MALRD1: variants seen among roughly 807,000 people sequenced by gnomAD.
MALRD1 encodes the protein MAM and LDL-receptor class A domain-containing protein 1.
MALRD1 carries 247 observed loss-of-function variants against 242.1 expected under a neutral mutation model. That is an observed-to-expected ratio of 1.02 (90% CI 0.92 to 1.13). MALRD1 has a LOEUF of 1.13. MALRD1 is among the 50% of genes most tolerant of loss of function. The pLI, the probability that MALRD1 is intolerant of heterozygous loss-of-function variation, is 0.00. For synonymous variants in MALRD1, 995 were observed against 866.6 expected, an observed-to-expected ratio of 1.15 and a Z score of -2.60; for missense variants, 2,989 against 2,533.1, an observed-to-expected ratio of 1.18 and a Z score of -3.86.
At chr10:19,694,832 A>T (rs544328197) in intron 38 of MALRD1, among the ~76,000 whole-genome samples, 16 of 152,362 alleles carry the variant, frequency 1.1e-4, no homozygotes, top group Admixed American at 2.0e-4. Context: ...CAAATGTCCA[A>T]CAATGATAGA....
In MALRD1 at chr10:19,591,885, T is replaced by G. The variant is rs560314316; in HGVS notation, c.5681-3309T>G. On this transcript the variant is annotated intron_variant, in intron 33 of 39. Coordinates refer to ENST00000454679, the MANE Select transcript of MALRD1 (RefSeq NM_001142308.3). ...CATCTTCCAGGAGTATTAGTTTTAT[T>G]TGATTACTGAAAGGAAACCACTTAT... 5.9e-5 allele frequency among the ~76,000 whole-genome samples: 9 copies of G among 152,338 alleles called. No individual in the cohort carries two copies. The South Asian group carries it at 1.9e-3, about 32-fold the overall frequency.
At chr10:19,679,810 A>G (rs1842291875) in intron 36 of MALRD1, among the ~76,000 whole-genome samples, 1 of 152,014 alleles carries the variant, frequency 6.6e-6, no homozygotes, top group African/African-American at 2.4e-5. Context: ...TTTCCCTCTT[A>G]ACACTGCTTT....
At chr10:19,448,686 AC>A (rs1835140326) in intron 28 of MALRD1, among the ~76,000 whole-genome samples, 1 of 152,038 alleles carries the variant, frequency 6.6e-6, no homozygotes, top group Non-Finnish European at 1.5e-5. Context: ...CTAGTTAACC[AC>A]CCTCAGCTAT....
intron 29 of MALRD1, among the ~76,000 whole-genome samples, chr10:19,486,402 T>G (rs1390260984): frequency 6.6e-6 from 1 of 152,188 alleles, no homozygotes. Flanking sequence ...TGCTTAGGAC[T>G]TTTCTTAGAT....
intron 36 of MALRD1, among the ~76,000 whole-genome samples, chr10:19,681,230 G>A (rs1367469989): frequency 2.0e-5 from 3 of 152,210 alleles, no homozygotes; most frequent in East Asian, 3.9e-4. Flanking sequence ...AGTTCTCCTG[G>A]ATGATATCGT....
At chr10:19,117,975 A>C (rs978009098) in intron 5 of MALRD1, among the ~76,000 whole-genome samples, 6 of 152,230 alleles carry the variant, frequency 3.9e-5, no homozygotes, top group Non-Finnish European at 7.3e-5. Flanking sequence ...TGCGTTCACC[A>C]AGCTTACAAT....
chr10:19,515,149 C>A (rs1445665495), intron 31 of MALRD1, among the ~76,000 whole-genome samples: 1 of 151,928 alleles, frequency 6.6e-6, no homozygotes, highest in Admixed American at 6.6e-5. Context: ...GCTTTTCTTA[C>A]CAAAAGCATA....
At chr10:19,368,491 G>A (rs1246146112) in intron 26 of MALRD1, among the ~76,000 whole-genome samples, 6 of 151,922 alleles carry the variant, frequency 3.9e-5, no homozygotes, top group Non-Finnish European at 7.4e-5. Context: ...CTGTTTTTAT[G>A]CCAATACCAT....
At chr10:19,502,309 T>C (rs1361014989) in intron 31 of MALRD1, among the ~76,000 whole-genome samples, 1 of 152,064 alleles carries the variant, frequency 6.6e-6, no homozygotes, top group African/African-American at 2.4e-5. Flanking sequence ...CTCAGAGTAA[T>C]GTTAAAGCCA....
At chr10:19,369,077 G>A (rs1845245614) in intron 26 of MALRD1, among the ~76,000 whole-genome samples, 1 of 146,534 alleles carries the variant, frequency 6.8e-6, no homozygotes, top group African/African-American at 2.5e-5. Context: ...TTATTCCTCT[G>A]TGTATGTGTT....
In MALRD1 at chr10:19,730,781, G is replaced by A; in HGVS notation, c.6390G>A (p.Glu2130=). 1 of 1,536,418 alleles carries A rather than the reference G, an allele frequency of 6.5e-7. No individual in the cohort carries two copies. Among genetic ancestry groups the A allele is most frequent in the Admixed American group, 2.0e-5 (1 of 51,000 alleles). The part of the protein sequence containing the change: ...YGNWSNPEKT[E]SSVYSFSNPL... The stretch of plus-strand genomic sequence containing the variant: ...ACTGGAGCAACCCAGAGAAAACAGA[G>A]GTAAGTGGCAAGGGTGAACTATATC... The change falls in exon 39 of 40, where the codon GAG becomes GAA. Residue 2130 remains glutamate (E), a splice_region_variant and synonymous_variant. Transcript: ENST00000454679.
At chr10:19,468,390 G>T (rs1290726988) in intron 29 of MALRD1, among the ~76,000 whole-genome samples, 1 of 151,696 alleles carries the variant, frequency 6.6e-6, no homozygotes, top group South Asian at 2.1e-4. Flanking sequence ...ATTAATTTTA[G>T]AAAGAAAACA....
chr10:19,131,193 G>A (rs1564411819), intron 8 of MALRD1, among the ~76,000 whole-genome samples: 1 of 152,114 alleles, frequency 6.6e-6, no homozygotes, highest in Admixed American at 6.6e-5. Context: ...TTAAAAAAGT[G>A]GCTCTTGATG....
chr10:19,242,598 G>A (rs1259745413), intron 18 of MALRD1, among the ~76,000 whole-genome samples: 3 of 151,950 alleles, frequency 2.0e-5, no homozygotes. Context: ...TGGTTGTTCT[G>A]GTGTTGGGTA....
intron 18 of MALRD1, among the ~76,000 whole-genome samples, chr10:19,238,897 C>T (rs1409180037): frequency 6.6e-6 from 1 of 151,138 alleles, no homozygotes; most frequent in Non-Finnish European, 1.5e-5. Flanking sequence ...TTGTCTTTTA[C>T]CTTTTTGGTA....
At chr10:19,121,723 C>T (rs765817564) in intron 5 of MALRD1, among the ~76,000 whole-genome samples, 76 of 151,996 alleles carry the variant, frequency 5.0e-4, no homozygotes, top group African/African-American at 1.5e-3. Flanking sequence ...AGAGTTGACC[C>T]GCTCCTACAG....
chr10:19,687,424 C>A lies in MALRD1; in HGVS notation c.6138-4858C>A, dbSNP rs1309782808. On this transcript the variant is annotated intron_variant, in intron 36 of 39. Coordinates refer to ENST00000454679, the MANE Select transcript of MALRD1 (RefSeq NM_001142308.3). ...GTTCAGCATTTCCCATACCCACCCA[C>A]CAACCCACTTAGCCACTCAGCTTCC... Among the ~76,000 whole-genome samples the A allele has an allele frequency of 2.0e-5, 3 of 152,176 alleles. No individual in the cohort carries two copies. The East Asian group carries it at 5.8e-4, about 29-fold the overall frequency.
intron 19 of MALRD1, among the ~76,000 whole-genome samples, chr10:19,261,119 A>G (rs1197945776): frequency 6.6e-6 from 1 of 152,116 alleles, no homozygotes; most frequent in East Asian, 1.9e-4. Context: ...AACACAAGTC[A>G]CCATTGAAAC....
chr10:19,489,733 A>T (rs1371929708), intron 29 of MALRD1, among the ~76,000 whole-genome samples: 1 of 152,164 alleles, frequency 6.6e-6, no homozygotes, highest in Non-Finnish European at 1.5e-5. Flanking sequence ...AGCATATTCA[A>T]TGGCAATATG....
Sources: allele counts gnomAD v4.1 joint callset (sites outside exome capture counted in the v4.1 genomes callset), GRCh38; gene constraint gnomAD v4.1.1; transcripts MANE v1.5; gene names NCBI Gene and HGNC (gene_info 2026-07-23, HGNC 2026-07-21).